The following HCN1 variants were observed in gnomAD, a reference collection of about 807,000 sequenced individuals.
HCN1 encodes the protein hyperpolarization activated cyclic nucleotide gated potassium channel 1.
A neutral mutation model predicts 78.9 loss-of-function variants in HCN1; 13 were observed. The observed-to-expected ratio is 0.16, with a 90% confidence interval of 0.11 to 0.26. HCN1 has a LOEUF of 0.26. Ranked by LOEUF, HCN1 falls within the 10% of genes least tolerant of loss-of-function variation. The pLI is 1.00. For synonymous variants in HCN1, 552 were observed against 455.5 expected, an observed-to-expected ratio of 1.21 and a Z score of -2.70; for missense variants, 810 against 1,154.3, an observed-to-expected ratio of 0.70 and a Z score of 4.32.
intron 5 of HCN1, among the ~76,000 whole-genome samples, chr5:45,324,880 TAAAC>T (rs1265954948): frequency 6.6e-6 from 1 of 151,720 alleles, no homozygotes; most frequent in Non-Finnish European, 1.5e-5. Context: ...TTAAAATAAA[TAAAC>T]AAAATAAAAC....
At chr5:45,573,742 G>A (rs1461595252) in intron 2 of HCN1, among the ~76,000 whole-genome samples, 1 of 152,080 alleles carries the variant, frequency 6.6e-6, no homozygotes, top group South Asian at 2.1e-4. Context: ...TATTATTACT[G>A]ACTGCTGACA....
intron 2 of HCN1, among the ~76,000 whole-genome samples, chr5:45,640,481 G>A (rs1341829918): frequency 6.6e-6 from 1 of 152,054 alleles, no homozygotes; most frequent in Non-Finnish European, 1.5e-5. Flanking sequence ...ACAAATGCAT[G>A]TAGAGCCAGT....
intron 2 of HCN1, among the ~76,000 whole-genome samples, chr5:45,563,519 G>T (rs183143080): frequency 9.2e-5 from 14 of 151,962 alleles, no homozygotes; most frequent in Non-Finnish European, 1.5e-4. Flanking sequence ...TTTCATTTAT[G>T]AATTGAACAA....
rs1285616369 is a variant in HCN1 at position 45,255,835 on chromosome 5, C to G, written c.*6086G>C. 1 of 151,952 alleles carries G rather than the reference C, an allele frequency of 6.6e-6. No homozygotes were observed. Among genetic ancestry groups the G allele is most frequent in the Non-Finnish European group, 1.5e-5 (1 of 68,016 alleles). 9.4% of individuals were successfully genotyped at this position (151,952 alleles called of 1,614,324 possible). A position where few individuals can be genotyped will look rare whatever the true frequency, so the allele number is the denominator to read the frequency against. On this transcript the variant is annotated 3_prime_UTR_variant, in exon 8 of 8. Coordinates refer to ENST00000303230, the MANE Select transcript of HCN1 (RefSeq NM_021072.4). ...ACCTTTCAAGAAAGTCTCTTTGCCT[C>G]TACACATCTGAATATTCTCTGTAGA...
chr5:45,371,898 A>ATTGT (rs1554020989), intron 4 of HCN1, among the ~76,000 whole-genome samples: 1 of 111,882 alleles, frequency 8.9e-6, no homozygotes, highest in Admixed American at 1.4e-4. Context: ...TATAATATAC[A>ATTGT]TTATATTATA....
chr5:45,504,148 T>C (rs6451805), intron 2 of HCN1, among the ~76,000 whole-genome samples: 17,637 of 152,036 alleles, frequency 0.12, 1,619 homozygotes, highest in African/African-American at 0.25. Context: ...ATGTGCACAA[T>C]GTGCAGGTTT....
At chr5:45,280,648 C>G (rs1199490929) in intron 6 of HCN1, among the ~76,000 whole-genome samples, 3 of 152,196 alleles carry the variant, frequency 2.0e-5, no homozygotes, top group African/African-American at 7.2e-5. Context: ...TTCATAAACT[C>G]TGCTCTAATA....
intron 6 of HCN1, among the ~76,000 whole-genome samples, chr5:45,294,642 T>C (rs1745452004): frequency 6.6e-6 from 1 of 152,046 alleles, no homozygotes; most frequent in South Asian, 2.1e-4. Context: ...CAAAGGTATA[T>C]TATTTGACAT....
At chr5:45,583,609 T>G (rs1376569211) in intron 2 of HCN1, among the ~76,000 whole-genome samples, 2 of 152,202 alleles carry the variant, frequency 1.3e-5, no homozygotes, top group African/African-American at 4.8e-5. Context: ...TTCTTTTAAT[T>G]GTGATGTTAG....
rs1462729387 is a variant in HCN1 at position 45,262,325 on chromosome 5, T to C, written c.2269A>G (p.Thr757Ala). Reference protein sequence around the residue: ...QPQQPSPQPQTPGSSTPKNEV... With the variant: ...QPQQPSPQPQAPGSSTPKNEV... ...TTTTTCGGCGTGGAGCTGCCAGGTGTCTGTGGCTGCGGGGACGGCTGCTGT... is the reference window on the plus strand; with the variant it reads ...TTTTTCGGCGTGGAGCTGCCAGGTGCCTGTGGCTGCGGGGACGGCTGCTGT... Residue 757 changes from threonine to alanine, a missense_variant, in exon 8 of 8, where the codon ACA becomes GCA. Physicochemically the swap from Thr to Ala is moderately conservative, Grantham distance 58 (BLOSUM62 0). Around this residue, in one of 6 missense-constraint regions of HCN1, gnomAD observed 398 missense variants for 381.3 expected, o/e 1.04. Coordinates refer to ENST00000303230, the MANE Select transcript of HCN1 (RefSeq NM_021072.4). The C allele has an allele frequency of 2.5e-6, 4 of 1,613,662 alleles. No individual in the cohort carries two copies. The highest frequency in any genetic ancestry group is 1.7e-5 in the Admixed American group (1 of 60,024).
At chr5:45,544,537 T>A (rs999568643) in intron 2 of HCN1, among the ~76,000 whole-genome samples, 1 of 152,106 alleles carries the variant, frequency 6.6e-6, no homozygotes, top group Non-Finnish European at 1.5e-5. Flanking sequence ...GTTGGTGTGC[T>A]GCACCCGTTA....
intron 2 of HCN1, among the ~76,000 whole-genome samples, chr5:45,495,982 G>A (rs1742018420): frequency 6.6e-6 from 1 of 152,140 alleles, no homozygotes; most frequent in Non-Finnish European, 1.5e-5. Flanking sequence ...GCTTTTTGAT[G>A]TGCTGCTGGA....
chr5:45,426,246 T>C (rs1579886294), intron 3 of HCN1, among the ~76,000 whole-genome samples: 1 of 152,186 alleles, frequency 6.6e-6, no homozygotes, highest in Non-Finnish European at 1.5e-5. Flanking sequence ...GCTCACTTAT[T>C]TGGAAACCTC....
chr5:45,677,671 C>T (rs751401847), intron 1 of HCN1, among the ~76,000 whole-genome samples: 1 of 151,506 alleles, frequency 6.6e-6, no homozygotes, highest in Non-Finnish European at 1.5e-5. Context: ...AATGGTAATA[C>T]AGGATTAAAG....
At chr5:45,412,178 GA>G (rs1740037549) in intron 3 of HCN1, among the ~76,000 whole-genome samples, 1 of 152,100 alleles carries the variant, frequency 6.6e-6, no homozygotes, top group Non-Finnish European at 1.5e-5. Flanking sequence ...TAGCTTCTGT[GA>G]CTCATGCCAG....
chr5:45,533,287 T>A (rs1742897035), intron 2 of HCN1, among the ~76,000 whole-genome samples: 1 of 151,864 alleles, frequency 6.6e-6, no homozygotes, highest in Non-Finnish European at 1.5e-5. Context: ...ATATAATCAA[T>A]CCACAAAAAA....
At chr5:45,586,940 C>T (rs1461703647) in intron 2 of HCN1, among the ~76,000 whole-genome samples, 1 of 152,134 alleles carries the variant, frequency 6.6e-6, no homozygotes, top group Non-Finnish European at 1.5e-5. Context: ...ATTCTGTGGG[C>T]CATCACTAAC....
intron 3 of HCN1, among the ~76,000 whole-genome samples, chr5:45,400,843 A>G (rs886172560): frequency 5.9e-5 from 9 of 152,162 alleles, no homozygotes; most frequent in Non-Finnish European, 1.2e-4. Flanking sequence ...CCATGTTCAT[A>G]TAATCACACA....
At chr5:45,683,757 A>T (rs1197648894) in intron 1 of HCN1, among the ~76,000 whole-genome samples, 1 of 151,882 alleles carries the variant, frequency 6.6e-6, no homozygotes, top group Non-Finnish European at 1.5e-5. Context: ...TGAAGCCTCA[A>T]CCTGCTGGGA....
Sources: gnomAD v4.1 joint callset for allele counts (sites outside exome capture counted in the v4.1 genomes callset) on GRCh38, gnomAD v4.1.1 for gene constraint, gnomAD v4.1.1 regional missense constraint, MANE v1.5 for transcripts, NCBI Gene and HGNC (gene_info 2026-07-23, HGNC 2026-07-21) for gene names.